PXDN: variants seen among roughly 807,000 people sequenced by gnomAD.
The protein encoded by PXDN is peroxidasin.
PXDN carries 77 observed loss-of-function variants against 140.3 expected under a neutral mutation model. The observed-to-expected ratio is 0.55, with a 90% confidence interval of 0.46 to 0.66. The LOEUF (loss-of-function observed/expected upper bound fraction) is 0.66. PXDN is among the 30% of genes least tolerant of loss of function. The pLI is 0.00. For missense variants in PXDN, 1,838 were observed against 2,039.5 expected (o/e 0.90, Z 1.90); for synonymous variants, 911 against 857.4 (o/e 1.06, Z -1.09).
At chr2:1,658,796 C>CT (rs1038142407) in intron 14 of PXDN, among the ~76,000 whole-genome samples, 3 of 138,388 alleles carry the variant, frequency 2.2e-5, no homozygotes, top group Non-Finnish European at 4.7e-5. Flanking sequence ...GACCCCCCCA[C>CT]TCTACTCTCC....
Position 1,683,727 on chromosome 2 carries a change from T to C in PXDN, c.489A>G (p.Leu163=), listed in dbSNP as rs753744563. The C allele has an allele frequency of 5.0e-6, 8 of 1,598,832 alleles. 1 individual carries two copies. The South Asian group carries it at 9.2e-5, about 18-fold the overall frequency. The change falls in exon 6 of 23, where the codon CTA becomes CTG. Residue 163 remains leucine, a splice_region_variant and synonymous_variant. Coordinates refer to ENST00000252804, the MANE Select transcript of PXDN (RefSeq NM_012293.3). Reference sequence around the variant, plus strand: ...GTGTAATCCGGTTGTTATGCAAAAATCTGTTGAAAGAGATTTTATAACAAA... The same window carrying C: ...GTGTAATCCGGTTGTTATGCAAAAACCTGTTGAAAGAGATTTTATAACAAA... ...SFQHLPKLER[L]FLHNNRITHL...
chr2:1,666,876 T>A (rs577894141), intron 9 of PXDN, among the ~76,000 whole-genome samples: 1 of 152,322 alleles, frequency 6.6e-6, no homozygotes, highest in East Asian at 1.9e-4. Flanking sequence ...ATTTAGAGTA[T>A]ACAAAATATC....
At position 1,648,259 on chromosome 2, in the gene PXDN, C is replaced by G. The variant is rs1274508289; in HGVS notation, c.3521G>C (p.Arg1174Thr). Residue 1174 changes from arginine (R) to threonine (T), a missense_variant, in exon 17 of 23, where the codon AGG becomes ACG. Arg to Thr is a moderately conservative substitution (Grantham distance 71, BLOSUM62 -1). Around this residue, in one of 5 missense-constraint regions of PXDN, gnomAD observed 850 missense variants for 894.1 expected, o/e 0.95. Coordinates refer to ENST00000252804, the MANE Select transcript of PXDN (RefSeq NM_012293.3). This position sits in a 1 kb window ranked among gnomAD's most constrained non-coding sequence, Gnocchi z 8.9. Reference protein sequence around the residue: ...DHGIPPYHDYRVYCNLSAAHT... With the variant: ...DHGIPPYHDYTVYCNLSAAHT... Reference sequence around the variant, plus strand: ...TGCCGCCGATAGATTGCAGTAGACCCTGTAGTCGTGGTAGGGTGGGATCCC... The same window carrying G: ...TGCCGCCGATAGATTGCAGTAGACCGTGTAGTCGTGGTAGGGTGGGATCCC... 3.1e-6 allele frequency: 5 copies of G among 1,613,972 alleles called. No individual in the cohort carries two copies. The highest frequency in any genetic ancestry group is 4.2e-6 in the Non-Finnish European group (5 of 1,179,882).
intron 9 of PXDN, among the ~76,000 whole-genome samples, chr2:1,668,628 AAAGTGGGTT>A (rs1450406197): frequency 1.3e-5 from 2 of 152,154 alleles, no homozygotes; most frequent in East Asian, 3.9e-4. Flanking sequence ...ACCCCATCTA[AAAGTGGGTT>A]AAGGATATGA....
chr2:1,679,252 C>T (rs576258164), intron 7 of PXDN, among the ~76,000 whole-genome samples: 7 of 118,506 alleles, frequency 5.9e-5, no homozygotes, highest in African/African-American at 1.6e-4. Flanking sequence ...ATGGCATGTG[C>T]GTGTGTGGTG....
At position 1,719,897 on chromosome 2, in the gene PXDN, T is replaced by TCAGAGAGAGAGGGAGGGATG. The variant is rs143768977; in HGVS notation, c.200+24358_200+24359insCATCCCTCCCTCTCTCTCTG. Among the ~76,000 whole-genome samples, 10 of 85,712 alleles carry TCAGAGAGAGAGGGAGGGATG rather than the reference T, an allele frequency of 1.2e-4. 1 individual carries two copies. Among genetic ancestry groups the TCAGAGAGAGAGGGAGGGATG allele is most frequent in the Non-Finnish European group, 2.1e-4 (9 of 42,972 alleles). The allele number at this position is 85,712 out of a possible 152,430, so 56.2% of individuals were successfully genotyped here. On this transcript the variant is annotated intron_variant, in intron 1 of 22. Transcript: ENST00000252804. ...GTGAAAGAGAGAGAGGGAGGGAGAT[T>TCAGAGAGAGAGGGAGGGATG]CAGAGAGAGAGGGAGGGAGGGATGC...
chr2:1,700,570 T>C (rs1457257635), intron 1 of PXDN, among the ~76,000 whole-genome samples: 1 of 152,124 alleles, frequency 6.6e-6, no homozygotes, highest in African/African-American at 2.4e-5. Flanking sequence ...TTCTTTGTCA[T>C]TCGTGTTGCT....
intron 17 of PXDN, among the ~76,000 whole-genome samples, chr2:1,645,663 T>C (rs1434833337): frequency 6.6e-6 from 1 of 152,226 alleles, no homozygotes; most frequent in Non-Finnish European, 1.5e-5. Flanking sequence ...TCCCTTTTTC[T>C]TCTAAGTTCA....
intron 21 of PXDN, 97 bp downstream of exon 21, chr2:1,638,749 T>A: frequency 6.4e-7 from 1 of 1,559,128 alleles, no homozygotes; most frequent in Non-Finnish European, 8.8e-7. Flanking sequence ...AGTTGAACAG[T>A]TGCCTGGGAA....
intron 14 of PXDN, among the ~76,000 whole-genome samples, chr2:1,656,623 C>T (rs1339096186): frequency 6.7e-6 from 1 of 149,800 alleles, no homozygotes; most frequent in Non-Finnish European, 1.5e-5. Context: ...TAAAACTGGT[C>T]CCCTCATGAC....
At chr2:1,644,842 T>C in intron 17 of PXDN, 90 bp from the exon 18 acceptor site, 11 of 1,264,132 alleles carry the variant, frequency 8.7e-6, no homozygotes, top group Non-Finnish European at 1.1e-5. Context: ...TTTCTTTCTA[T>C]CACTATTTTA....
intron 9 of PXDN, among the ~76,000 whole-genome samples, chr2:1,666,988 T>C (rs993746786): frequency 6.6e-6 from 1 of 152,200 alleles, no homozygotes; most frequent in African/African-American, 2.4e-5. Context: ...GTGTTTCATG[T>C]GTGAGTTTGT....
chr2:1,640,443 C>T (rs62116580), intron 19 of PXDN, among the ~76,000 whole-genome samples: 34,662 of 152,120 alleles, frequency 0.23, 4,561 homozygotes, highest in South Asian at 0.32. Flanking sequence ...GAAGGGCGGC[C>T]GGCTCCTTCT....
chr2:1,657,313 TCCTGACAGAAACCAGCCCCAA>T (rs1452640284), intron 14 of PXDN, among the ~76,000 whole-genome samples: 1 of 108,724 alleles, frequency 9.2e-6, no homozygotes, highest in African/African-American at 3.6e-5. Flanking sequence ...GACCTGCCCC[TCCTGACAGAAACCAGCCCCAA>T]CCTGACTGAA....
At chr2:1,664,460 G>A (rs1051733568) in intron 11 of PXDN, 1 of 156,650 alleles carries the variant, frequency 6.4e-6, no homozygotes, top group Non-Finnish European at 1.4e-5. Context: ...ATTGAAGAAA[G>A]AGGGCTAGGA....
Position 1,683,553 on chromosome 2 carries a change from T to C in PXDN, c.560+103A>G, listed in dbSNP as rs1683971530. On this transcript the variant is annotated intron_variant, in intron 6 of 22. Coordinates refer to ENST00000252804, the MANE Select transcript of PXDN (RefSeq NM_012293.3). Reference sequence around the variant, plus strand: ...ATATTCTCATTCTTTCAGAATCAGATTGTTATCAACATTTCACAATACTTG... The same window carrying C: ...ATATTCTCATTCTTTCAGAATCAGACTGTTATCAACATTTCACAATACTTG... 4 of 467,740 alleles carry C rather than the reference T, an allele frequency of 8.6e-6. No individual in the cohort carries two copies. The South Asian group carries it at 1.5e-4, about 17-fold the overall frequency. The allele number at this position is 467,740 out of a possible 1,614,324, so 29.0% of individuals were successfully genotyped here.
chr2:1,641,339 C>T (rs753644298), intron 19 of PXDN, among the ~76,000 whole-genome samples: 3 of 151,958 alleles, frequency 2.0e-5, no homozygotes, highest in Non-Finnish European at 2.9e-5. Flanking sequence ...TTTGTAGAGA[C>T]GGGTTTCACC....
At chr2:1,717,598 T>C (rs1684923960) in intron 1 of PXDN, among the ~76,000 whole-genome samples, 1 of 77,162 alleles carries the variant, frequency 1.3e-5, no homozygotes, top group East Asian at 6.6e-4. Context: ...AACTTATTTA[T>C]AGAAGGTCTT....
At chr2:1,691,333 T>C (rs1042211343) in intron 3 of PXDN, among the ~76,000 whole-genome samples, 1 of 152,246 alleles carries the variant, frequency 6.6e-6, no homozygotes, top group Non-Finnish European at 1.5e-5. Context: ...GAAGCTCATT[T>C]TCTAAACTGC....
Sources: allele counts gnomAD v4.1 joint callset (sites outside exome capture counted in the v4.1 genomes callset), GRCh38; gene constraint gnomAD v4.1.1; regional missense constraint gnomAD v4.1.1; non-coding constraint Gnocchi (gnomAD v3.1); transcripts MANE v1.5; gene names NCBI Gene and HGNC (gene_info 2026-07-23, HGNC 2026-07-21).